The following FOXN3 variants were observed in gnomAD, a reference collection of about 807,000 sequenced individuals.
FOXN3 encodes the protein forkhead box protein N3.
FOXN3 carries 7 observed loss-of-function variants against 38.4 expected under a neutral mutation model. The ratio of observed to expected loss-of-function variants is 0.18; its 90% CI spans 0.10 to 0.34. The LOEUF (loss-of-function observed/expected upper bound fraction) is 0.34. Among genes scored for constraint, FOXN3 ranks in the 10% least tolerant of loss-of-function variants. FOXN3 has a pLI of 1.00. For synonymous variants in FOXN3, 230 were observed against 242.2 expected (o/e 0.95, Z 0.47); for missense variants, 456 against 613.4 (o/e 0.74, Z 2.71).
chr14:89,536,553 G>A (rs976174636), intron 1 of FOXN3, among the ~76,000 whole-genome samples: 9 of 152,136 alleles, frequency 5.9e-5, no homozygotes, highest in East Asian at 1.9e-4. Flanking sequence ...AGGCCGAGGC[G>A]GGCGGATCAC....
Position 89,186,473 on chromosome 14 carries a change from G to A in FOXN3, c.746-5667C>T, listed in dbSNP as rs146543380. On this transcript the variant is annotated intron_variant, in intron 4 of 5. Transcript: ENST00000557258. ...AGCTGACTCACGGGGCTTGTCAAAC[G>A]GGAACTGCAAAGCAGGTACTGAAGG... Among the ~76,000 whole-genome samples, 288 of 152,182 alleles carry A rather than the reference G, an allele frequency of 1.9e-3. 1 individual carries two copies. The highest frequency in any genetic ancestry group is 6.7e-3 in the African/African-American group (280 of 41,500).
intron 1 of FOXN3, among the ~76,000 whole-genome samples, chr14:89,607,891 A>T (rs1896305100): frequency 1.3e-5 from 2 of 151,490 alleles, no homozygotes; most frequent in South Asian, 4.2e-4. Context: ...ATCTTGGCTC[A>T]CTGCAACCTC....
rs541634905 is a variant in FOXN3, at chr14:89,415,691, G to A, written c.-15+1180C>T. ...TTATTATACTCTAACTACAGATTTC[G>A]CCAAATCTTTTTTTCCTCCTGTTTC... On this transcript the variant is annotated intron_variant, in intron 1 of 5. Coordinates refer to ENST00000557258, the MANE Select transcript of FOXN3 (RefSeq NM_005197.4). Among the ~76,000 whole-genome samples the A allele has an allele frequency of 8.5e-4, 122 of 143,030 alleles. 2 individuals carry two copies. Among genetic ancestry groups the A allele is most frequent in the African/African-American group, 3.0e-3 (117 of 38,634 alleles). 93.8% of individuals were successfully genotyped at this position (143,030 alleles called of 152,430 possible). A position where few individuals can be genotyped will look rare whatever the true frequency, so the allele number is the denominator to read the frequency against.
chr14:89,539,137 G>A (rs190784910), intron 1 of FOXN3, among the ~76,000 whole-genome samples: 27 of 152,166 alleles, frequency 1.8e-4, no homozygotes, highest in Non-Finnish European at 2.2e-4. Flanking sequence ...CCACGTGCCT[G>A]GCCACTTTTC....
In FOXN3 at chr14:89,260,591, T is replaced by G. The variant is rs112287651; in HGVS notation, c.745+20359A>C. 2.9e-3 allele frequency among the ~76,000 whole-genome samples: 441 copies of G among 152,350 alleles called. 2 individuals carry two copies. The highest frequency in any genetic ancestry group is 9.9e-3 in the African/African-American group (410 of 41,580). On this transcript the variant is annotated intron_variant, in intron 4 of 5. Coordinates refer to ENST00000557258, the MANE Select transcript of FOXN3 (RefSeq NM_005197.4). The stretch of plus-strand genomic sequence containing the variant: ...GCAATGGGCCTGATGGCCGACTTGC[T>G]ATTAGTTGTTATTTCTTTCACGTAA...
chr14:89,520,607 T>C (rs1158334001), intron 1 of FOXN3, among the ~76,000 whole-genome samples: 1 of 152,100 alleles, frequency 6.6e-6, no homozygotes, highest in East Asian at 1.9e-4. Context: ...TAAAAAGATA[T>C]TTACCTGCTG....
chr14:89,160,801 A>C lies in FOXN3; in HGVS notation c.*1613T>G, dbSNP rs938808951. On this transcript the variant is annotated 3_prime_UTR_variant, in exon 6 of 6. Transcript: ENST00000557258. ...GAAGATATTTTTATATTGCAGAGTA[A>C]GTTCCCCAACAGTCAGAATTTGTCC... 6.6e-6 allele frequency: 1 copy of C among 152,576 alleles called. No homozygotes were observed. The highest frequency in any genetic ancestry group is 2.4e-5 in the African/African-American group (1 of 41,436). 9.5% of individuals were successfully genotyped at this position (152,576 alleles called of 1,614,324 possible). A position where few individuals can be genotyped will look rare whatever the true frequency, so the allele number is the denominator to read the frequency against.
chr14:89,459,110 G>A (rs554149644), intron 1 of FOXN3, among the ~76,000 whole-genome samples: 1 of 152,084 alleles, frequency 6.6e-6, no homozygotes, highest in South Asian at 2.1e-4. Context: ...AACGTGCAGA[G>A]TGAATCCTTT....
intron 3 of FOXN3, chr14:89,284,379 T>C (rs1300525150): frequency 6.8e-6 from 3 of 441,612 alleles, no homozygotes; most frequent in Non-Finnish European, 1.4e-5. Context: ...AGACACTGCA[T>C]GACAAGTTAG....
chr14:89,398,388 G>A (rs1233017366), intron 2 of FOXN3, among the ~76,000 whole-genome samples: 3 of 152,320 alleles, frequency 2.0e-5, no homozygotes, highest in East Asian at 3.9e-4. Context: ...TGGATCGGGG[G>A]CTAGAGTTCA....
intron 1 of FOXN3, among the ~76,000 whole-genome samples, chr14:89,569,725 G>A (rs1895451143): frequency 6.6e-6 from 1 of 152,190 alleles, no homozygotes; most frequent in Non-Finnish European, 1.5e-5. Flanking sequence ...AGACCAGAGT[G>A]AGAGGAGTCA....
At chr14:89,550,065 C>T (rs2139861557) in intron 1 of FOXN3, among the ~76,000 whole-genome samples, 1 of 152,318 alleles carries the variant, frequency 6.6e-6, no homozygotes, top group East Asian at 1.9e-4. Context: ...AGATGAAGAA[C>T]AGGAGAACTA....
intron 1 of FOXN3, among the ~76,000 whole-genome samples, chr14:89,589,538 T>C (rs946332439): frequency 6.6e-6 from 1 of 151,840 alleles, no homozygotes; most frequent in Non-Finnish European, 1.5e-5. Context: ...TTCGACTGCA[T>C]AAGGGGAAGA....
At chr14:89,531,585 G>A (rs765085003) in intron 1 of FOXN3, among the ~76,000 whole-genome samples, 13 of 152,196 alleles carry the variant, frequency 8.5e-5, no homozygotes, top group African/African-American at 2.9e-4. Context: ...CATTCATGAT[G>A]TTGCAAGGAG....
At chr14:89,498,402 T>C (rs538711649) in intron 1 of FOXN3, among the ~76,000 whole-genome samples, 19 of 152,050 alleles carry the variant, frequency 1.2e-4, no homozygotes, top group Non-Finnish European at 1.9e-4. Context: ...TTTTTGTATT[T>C]TTAGTAGAGA....
intron 1 of FOXN3, among the ~76,000 whole-genome samples, chr14:89,508,473 A>T (rs1026397911): frequency 3.3e-5 from 5 of 152,318 alleles, no homozygotes; most frequent in Non-Finnish European, 7.4e-5. Context: ...ACACCACCCC[A>T]GAGAGAGATT....
chr14:89,503,135 C>T (rs1390697870), intron 1 of FOXN3, among the ~76,000 whole-genome samples: 1 of 152,178 alleles, frequency 6.6e-6, no homozygotes, highest in Non-Finnish European at 1.5e-5. Flanking sequence ...ACGACAAAGG[C>T]TCCTCCCTCC....
intron 2 of FOXN3, among the ~76,000 whole-genome samples, chr14:89,378,081 G>A (rs1387587932): frequency 6.6e-6 from 1 of 152,222 alleles, no homozygotes; most frequent in East Asian, 1.9e-4. Flanking sequence ...CAACCAGGCT[G>A]TGGTACTTTG....
At chr14:89,299,126 AG>A (rs1887139977) in intron 3 of FOXN3, among the ~76,000 whole-genome samples, 1 of 151,576 alleles carries the variant, frequency 6.6e-6, no homozygotes, top group Admixed American at 6.6e-5. Context: ...CTATTATCAC[AG>A]CCTAGAAAGT....
Sources: gnomAD v4.1 joint callset for allele counts (sites outside exome capture counted in the v4.1 genomes callset) on GRCh38, gnomAD v4.1.1 for gene constraint, MANE v1.5 for transcripts, NCBI Gene and HGNC (gene_info 2026-07-23, HGNC 2026-07-21) for gene names.